HNRNPM: variants seen among roughly 807,000 people sequenced by gnomAD.
HNRNPM encodes the protein heterogeneous nuclear ribonucleoprotein M.
HNRNPM carries 11 observed loss-of-function variants against 73.1 expected under a neutral mutation model. That is an observed-to-expected ratio of 0.15 (90% confidence interval 0.09 to 0.25). The LOEUF (loss-of-function observed/expected upper bound fraction) is 0.25. Ranked by LOEUF, HNRNPM falls within the 10% of genes least tolerant of loss-of-function variation. HNRNPM has a pLI of 1.00. For synonymous variants in HNRNPM, 407 were observed against 355.2 expected, an observed-to-expected ratio of 1.15 and a Z score of -1.64; for missense variants, 789 against 1,067.9, an observed-to-expected ratio of 0.74 and a Z score of 3.64.
intron 12 of HNRNPM, among the ~76,000 whole-genome samples, chr19:8,479,811 A>G (rs59034702): frequency 0.34 from 44,289 of 129,462 alleles, 7,572 homozygotes; most frequent in Admixed American, 0.47. Flanking sequence ...GTCTCGCTCT[A>G]TTGCCCAGGC....
intron 5 of HNRNPM, 123 bp downstream of exon 5, chr19:8,463,809 C>T: frequency 1.5e-6 from 1 of 669,804 alleles, no homozygotes. Context: ...CCTGTTGTTT[C>T]TAATGAAGAG....
chr19:8,472,049 T>A (rs1472911079), intron 10 of HNRNPM, among the ~76,000 whole-genome samples: 1 of 151,850 alleles, frequency 6.6e-6, no homozygotes, highest in East Asian at 1.9e-4. Flanking sequence ...CGCACGCCTG[T>A]AATCCCAGTT....
At position 8,485,904 on chromosome 19, in the gene HNRNPM, C is replaced by G; in HGVS notation, c.1476C>G (p.Phe492Leu). The G allele has an allele frequency of 1.2e-6, 2 of 1,604,576 alleles. No homozygotes were observed. The highest frequency in any genetic ancestry group is 8.5e-7 in the Non-Finnish European group (1 of 1,179,466). ...AGCGCATGGGTGCCGGCATGGGCTT[C>G]GGCCTTGAGCGCATGGCCGCTCCCA... Reference protein sequence around the residue: ...GVERMGAGMGFGLERMAAPID... With the variant: ...GVERMGAGMGLGLERMAAPID... The change falls in exon 14 of 16, where the codon TTC becomes TTG. Residue 492 changes from phenylalanine (F) to leucine (L), a missense_variant. Transcript: ENST00000325495.
At chr19:8,457,621 G>C in intron 2 of HNRNPM, among the ~76,000 whole-genome samples, 1 of 152,152 alleles carries the variant, frequency 6.6e-6, no homozygotes. Context: ...ACTCAGAAAG[G>C]TAATCTTTTT....
At chr19:8,474,037 C>G (rs1052840878) in intron 11 of HNRNPM, 130 bp from the exon 12 acceptor site, 1 of 717,238 alleles carries the variant, frequency 1.4e-6, no homozygotes, top group African/African-American at 1.8e-5. Context: ...TTTTGTTTTT[C>G]AAAAGCCTTT....
intron 13 of HNRNPM, 72 bp from the exon 14 acceptor site, chr19:8,485,531 G>A (rs1971213917): frequency 7.0e-7 from 1 of 1,425,486 alleles, no homozygotes; most frequent in South Asian, 1.2e-5. Context: ...ATGAGCTGAA[G>A]TGGTCTGGCG....
intron 5 of HNRNPM, among the ~76,000 whole-genome samples, chr19:8,464,241 TAAAAAATA>T (rs921481412): frequency 4.5e-4 from 6 of 13,360 alleles, no homozygotes; most frequent in African/African-American, 4.8e-4. Flanking sequence ...AGACCCTGTC[TAAAAAATA>T]AAAAAATAAA....
intron 11 of HNRNPM, 95 bp from the exon 12 acceptor site, chr19:8,474,072 G>GATACCCC: frequency 1.2e-6 from 1 of 863,428 alleles, no homozygotes; most frequent in East Asian, 2.8e-5. Flanking sequence ...CTTGGCAGAA[G>GATACCCC]ATACCCCAGT....
At position 8,468,695 on chromosome 19, in the gene HNRNPM, G is replaced by C. The variant is rs1969928355; in HGVS notation, c.835-79G>C. 2.9e-6 allele frequency: 3 copies of C among 1,048,022 alleles called. No individual in the cohort carries two copies. The Admixed American group carries it at 5.2e-5, about 18-fold the overall frequency. The allele number at this position is 1,048,022 out of a possible 1,614,324, so 64.9% of individuals were successfully genotyped here. On this transcript the variant is annotated intron_variant, in intron 8 of 15. Coordinates refer to ENST00000325495, the MANE Select transcript of HNRNPM (RefSeq NM_005968.5). ...GTGTTTAGCTGGTCCTCTCTTGATG[G>C]GGGGCCATTTCAGTCTTTTGCTGTT...
chr19:8,468,382 A>C (rs1019655977), intron 8 of HNRNPM, among the ~76,000 whole-genome samples: 1 of 152,228 alleles, frequency 6.6e-6, no homozygotes, highest in African/African-American at 2.4e-5. Context: ...TGCTGAGGGC[A>C]GTCTAGTTGG....
In HNRNPM at chr19:8,480,768, T is replaced by C. The variant is rs1421318823; in HGVS notation, c.1121-2390T>C. Among the ~76,000 whole-genome samples, 18 of 152,132 alleles carry C rather than the reference T, an allele frequency of 1.2e-4. 1 individual carries two copies. Among genetic ancestry groups the C allele is most frequent in the Admixed American group, 1.2e-3 (18 of 15,280 alleles). On this transcript the variant is annotated intron_variant, in intron 12 of 15. Coordinates refer to ENST00000325495, the MANE Select transcript of HNRNPM (RefSeq NM_005968.5). Reference sequence around the variant, plus strand: ...GCAGCACCTCTCGCCTAATTCCGCTTTTTGGAGTGGCACATGAGTGGCACA... The same window carrying C: ...GCAGCACCTCTCGCCTAATTCCGCTCTTTGGAGTGGCACATGAGTGGCACA...
In HNRNPM at chr19:8,488,707, C is replaced by G. The variant is rs374128075; in HGVS notation, c.2046C>G (p.Ala682=). 1 of 1,613,598 alleles carries G rather than the reference C, an allele frequency of 6.2e-7. No homozygotes were observed. The highest frequency in any genetic ancestry group is 1.1e-5 in the South Asian group (1 of 91,062). ...KFNECGHVLY[A]DIKMENGKSK... is the part of the protein sequence containing the mutation. Reference sequence around the variant, plus strand: ...CTGTCCTAGGCCACGTGCTGTACGCCGACATCAAGATGGAGAATGGGAAGT... The same window carrying G: ...CTGTCCTAGGCCACGTGCTGTACGCGGACATCAAGATGGAGAATGGGAAGT... The change falls in exon 16 of 16, where the codon GCC becomes GCG. Residue 682 remains alanine (A), a synonymous_variant. Transcript: ENST00000325495.
In HNRNPM at chr19:8,486,088, G is replaced by A. The variant is rs769928957; in HGVS notation, c.1660G>A (p.Gly554Ser). Residue 554 changes from glycine (G) to serine (S), a missense_variant, in exon 14 of 16, where the codon GGC becomes AGC. Physicochemically the swap from Gly to Ser is moderately conservative, Grantham distance 56 (BLOSUM62 0). This residue lies in a region of HNRNPM where 604 missense variants were observed against 744.0 expected (regional missense o/e 0.81). Coordinates refer to ENST00000325495, the MANE Select transcript of HNRNPM (RefSeq NM_005968.5). ...MGPVMDRMAT[G>S]LERMGANNLE... is the part of the protein sequence containing the mutation. ...CCCCGTGATGGATCGCATGGCCACCGGCCTGGAGCGCATGGGCGCCAACAA... is the reference window on the plus strand; with the variant it reads ...CCCCGTGATGGATCGCATGGCCACCAGCCTGGAGCGCATGGGCGCCAACAA... 42 of 1,606,248 alleles carry A rather than the reference G, an allele frequency of 2.6e-5. No individual in the cohort carries two copies. Among genetic ancestry groups the A allele is most frequent in the African/African-American group, 8.0e-5 (6 of 74,662 alleles).
chr19:8,472,140 C>G (rs1970189575), intron 10 of HNRNPM, among the ~76,000 whole-genome samples: 1 of 142,100 alleles, frequency 7.0e-6, no homozygotes, highest in Admixed American at 7.3e-5. Context: ...GACTGCACTT[C>G]AGCCTGGCAA....
intron 12 of HNRNPM, among the ~76,000 whole-genome samples, chr19:8,482,359 G>C (rs1251810899): frequency 1.3e-5 from 2 of 152,130 alleles, no homozygotes; most frequent in Admixed American, 1.3e-4. Flanking sequence ...AGAGCGGGTG[G>C]GTACAAGTGT....
At position 8,471,375 on chromosome 19, in the gene HNRNPM, T is replaced by C; in HGVS notation, c.945T>C (p.Ile315=). 6.2e-7 allele frequency: 1 copy of C among 1,609,404 alleles called. No individual in the cohort carries two copies. Among genetic ancestry groups the C allele is most frequent in the Non-Finnish European group, 8.5e-7 (1 of 1,177,872 alleles). ...GMGLGPGGQP[I]DANHLNKGIG... is the part of the protein sequence containing the mutation. ...GGTTAGGACCAGGAGGGCAACCCATTGATGCCAATCACCTGAATAAAGGCA... is the reference window on the plus strand; with the variant it reads ...GGTTAGGACCAGGAGGGCAACCCATCGATGCCAATCACCTGAATAAAGGCA... The change falls in exon 10 of 16, where the codon ATT becomes ATC. Residue 315 remains isoleucine (I), a synonymous_variant. Coordinates refer to ENST00000325495, the MANE Select transcript of HNRNPM (RefSeq NM_005968.5).
intron 12 of HNRNPM, among the ~76,000 whole-genome samples, chr19:8,477,523 C>T (rs967940733): frequency 3.3e-5 from 5 of 151,930 alleles, no homozygotes; most frequent in South Asian, 4.1e-4. Context: ...GGCATGATGC[C>T]GTACACCTGT....
At position 8,445,117 on chromosome 19, in the gene HNRNPM, T is replaced by A. The variant is rs1968037382; in HGVS notation, c.113+6T>A. On this transcript the variant is annotated splice_donor_region_variant and intron_variant, in intron 1 of 15. Transcript: ENST00000325495. ...GGGGCTCCGGGCCCTAAGGGGTGAG[T>A]ATCCCACGGTCCTTTGCCACGGGTA... is the stretch of plus-strand genomic sequence containing the variant. The A allele has an allele frequency of 7.2e-7, 1 of 1,397,842 alleles. No homozygotes were observed. Among genetic ancestry groups the A allele is most frequent in the Non-Finnish European group, 9.3e-7 (1 of 1,073,910 alleles). The allele number at this position is 1,397,842 out of a possible 1,614,324, so 86.6% of individuals were successfully genotyped here.
At chr19:8,461,127 G>A (rs925993286) in intron 2 of HNRNPM, among the ~76,000 whole-genome samples, 3 of 152,170 alleles carry the variant, frequency 2.0e-5, no homozygotes, top group African/African-American at 7.2e-5. Flanking sequence ...TTTGTACAAA[G>A]TGTCAGTTTC....
Sources: gnomAD v4.1 joint callset for allele counts (sites outside exome capture counted in the v4.1 genomes callset) on GRCh38, gnomAD v4.1.1 for gene constraint, gnomAD v4.1.1 regional missense constraint, MANE v1.5 for transcripts, NCBI Gene and HGNC (gene_info 2026-07-23, HGNC 2026-07-21) for gene names.